PSMG2: variants seen among roughly 807,000 people sequenced by gnomAD.
PSMG2 encodes proteasome assembly chaperone 2.
Under a neutral mutation model 31.5 loss-of-function variants are expected in PSMG2, and 21 were observed. The ratio of observed to expected loss-of-function variants is 0.67; its 90% CI spans 0.47 to 0.96. The LOEUF is 0.96. Among genes scored for constraint, PSMG2 ranks in the 40% least tolerant of loss-of-function variants. The probability of loss-of-function intolerance (pLI) is 0.00; values close to 1 mark genes in which losing one functional copy is unlikely to be tolerated. For missense variants in PSMG2, 318 were observed against 321.2 expected, an observed-to-expected ratio of 0.99 and a Z score of 0.08; for synonymous variants, 120 against 110.4, an observed-to-expected ratio of 1.09 and a Z score of -0.54.
intron 3 of PSMG2, among the ~76,000 whole-genome samples, chr18:12,714,619 G>C (rs748788486): frequency 5.3e-5 from 8 of 150,594 alleles, no homozygotes; most frequent in Non-Finnish European, 1.2e-4. Context: ...TCACCCTCCC[G>C]AGTAGCTGGG....
At chr18:12,677,895 A>C (rs771713395) in intron 1 of PSMG2, among the ~76,000 whole-genome samples, 2 of 152,220 alleles carry the variant, frequency 1.3e-5, no homozygotes, top group African/African-American at 4.8e-5. Context: ...AGGAGGAAGT[A>C]ATTCATTCTA....
chr18:12,709,130 C>G (rs979375736), intron 2 of PSMG2, among the ~76,000 whole-genome samples: 19 of 152,206 alleles, frequency 1.2e-4, no homozygotes, highest in Admixed American at 3.9e-4. Context: ...ATTGCAACCT[C>G]TGCCTCCCGG....
intron 1 of PSMG2, among the ~76,000 whole-genome samples, chr18:12,682,689 C>CA (rs2039394017): frequency 6.6e-6 from 1 of 152,092 alleles, no homozygotes; most frequent in Non-Finnish European, 1.5e-5. Context: ...AATGCAGTGG[C>CA]ATGACCTCGG....
chr18:12,712,883 A>G (rs1173040357), intron 3 of PSMG2, 123 bp downstream of exon 3: 1 of 623,192 alleles, frequency 1.6e-6, no homozygotes, highest in Non-Finnish European at 2.7e-6. Flanking sequence ...ATCTGATTCT[A>G]CAGAGAAATA....
chr18:12,703,246 G>A, intron 1 of PSMG2, 82 bp downstream of exon 1: 2 of 1,431,684 alleles, frequency 1.4e-6, no homozygotes, highest in Non-Finnish European at 1.9e-6. Context: ...GTTTGGCGGT[G>A]CCTTGGGAGA....
At chr18:12,690,939 G>GC (rs56296606) in intron 1 of PSMG2, among the ~76,000 whole-genome samples, 35,848 of 148,218 alleles carry the variant, frequency 0.24, 4,717 homozygotes, top group Non-Finnish European at 0.32. Context: ...TATGCCCAGA[G>GC]CCCCCCCCCG....
At chr18:12,668,597 CAAAAAAAAAAAAAAAAAAA>C (rs752216074) in intron 1 of PSMG2, among the ~76,000 whole-genome samples, 20 of 72,830 alleles carry the variant, frequency 2.7e-4, no homozygotes, top group Admixed American at 9.2e-4. Flanking sequence ...GATTCCATCT[CAAAAAAAAAAAAAAAAAAA>C]AAAAAAAAAA....
intron 1 of PSMG2, among the ~76,000 whole-genome samples, chr18:12,705,574 A>T (rs62096027): frequency 0.47 from 62,547 of 133,238 alleles, 14,925 homozygotes; most frequent in Non-Finnish European, 0.55. Flanking sequence ...AGAGAGAGAG[A>T]GAGTGTGTGT....
chr18:12,668,474 A>T (rs899628099), intron 1 of PSMG2, among the ~76,000 whole-genome samples: 7 of 149,636 alleles, frequency 4.7e-5, no homozygotes, highest in African/African-American at 1.7e-4. Flanking sequence ...AGTGGTGTGC[A>T]CCTGTGGTCC....
At chr18:12,708,961 C>G (rs529770138) in intron 2 of PSMG2, among the ~76,000 whole-genome samples, 82 of 152,234 alleles carry the variant, frequency 5.4e-4, no homozygotes, top group African/African-American at 1.9e-3. Context: ...ATCCGCCTGC[C>G]TCGTCCTCCC....
intron 1 of PSMG2, among the ~76,000 whole-genome samples, chr18:12,696,434 C>T (rs2039960286): frequency 1.3e-5 from 2 of 152,070 alleles, no homozygotes; most frequent in East Asian, 1.9e-4. Context: ...ACCCAGGAGG[C>T]GGGGGTTGCA....
chr18:12,701,024 ATCT>A (rs562188497), upstream of PSMG2: 176 of 1,613,944 alleles, frequency 1.1e-4, 1 homozygote, highest in South Asian at 1.8e-3. Context: ...CTTTGATCAA[ATCT>A]TCTGTTGATA....
chr18:12,681,738 T>G (rs1174315928), intron 1 of PSMG2, among the ~76,000 whole-genome samples: 1 of 152,170 alleles, frequency 6.6e-6, no homozygotes. Context: ...CAACAATGGT[T>G]ATTACTGGGG....
chr18:12,705,504 G>GGTA (rs1418974380), intron 1 of PSMG2, among the ~76,000 whole-genome samples: 35 of 151,678 alleles, frequency 2.3e-4, no homozygotes, highest in African/African-American at 8.2e-4. Flanking sequence ...CTGGGATGTA[G>GGTA]GTAGGGATTT....
chr18:12,682,360 TTG>T (rs1809345444), intron 1 of PSMG2, among the ~76,000 whole-genome samples: 2 of 152,022 alleles, frequency 1.3e-5, no homozygotes, highest in Admixed American at 6.6e-5. Flanking sequence ...CAGCTATTTT[TTG>T]TGTTTTTGTA....
chr18:12,700,775 CAA>C (rs1354331815), upstream of PSMG2, among the ~76,000 whole-genome samples: 2 of 152,090 alleles, frequency 1.3e-5, no homozygotes, highest in African/African-American at 4.8e-5. Context: ...CATTGATACA[CAA>C]AACTATTCAG....
At position 12,672,218 on chromosome 18, in the gene PSMG2, G is replaced by A. The variant is rs9944993; in HGVS notation, c.-37+13445G>A. Among the ~76,000 whole-genome samples, 377 of 151,506 alleles carry A rather than the reference G, an allele frequency of 2.5e-3. 3 individuals carry two copies. Among genetic ancestry groups the A allele is most frequent in the African/African-American group, 8.8e-3 (364 of 41,278 alleles). ...CAACCTCTGCCTCCCAGGTTCAAGC[G>A]ATTCTCCTGCCTCAGCCTCCTGAGT... is the stretch of plus-strand genomic sequence containing the variant. On this transcript the variant is annotated intron_variant, in intron 1 of 6. Transcript: ENST00000585331.
chr18:12,665,240 G>A (rs2038780218), intron 1 of PSMG2: 2 of 152,166 alleles, frequency 1.3e-5, no homozygotes, highest in Non-Finnish European at 2.9e-5. Context: ...GGTCTTTTAA[G>A]TTTTGCCTTA....
At chr18:12,685,757 G>C (rs1414725271) in intron 1 of PSMG2, 1 of 152,354 alleles carries the variant, frequency 6.6e-6, no homozygotes, top group East Asian at 1.9e-4. Flanking sequence ...TCAGCCTCCT[G>C]AGTAGCTGGG....
Sources: gnomAD v4.1 joint callset for allele counts (sites outside exome capture counted in the v4.1 genomes callset) on GRCh38, gnomAD v4.1.1 for gene constraint, MANE v1.5 for transcripts, NCBI Gene and HGNC (gene_info 2026-07-23, HGNC 2026-07-21) for gene names.